AGBL1: variants seen among roughly 807,000 people sequenced by gnomAD.
AGBL1 encodes the protein AGBL carboxypeptidase 1.
In AGBL1, 130 loss-of-function variants were observed where a neutral mutation model predicts 118.9. The ratio of observed to expected loss-of-function variants is 1.09; its 90% CI spans 0.95 to 1.26. The LOEUF is 1.26. Among genes scored for constraint, AGBL1 ranks in the 50% most tolerant of loss-of-function variants. AGBL1 has a pLI of 0.00. For missense variants in AGBL1, 1,584 were observed against 1,298.1 expected (o/e 1.22, Z -3.38); for synonymous variants, 555 against 478.9 (o/e 1.16, Z -2.08).
chr15:86,737,380 C>T (rs1267190775), intron 22 of AGBL1, among the ~76,000 whole-genome samples: 1 of 152,142 alleles, frequency 6.6e-6, no homozygotes, highest in Non-Finnish European at 1.5e-5. Context: ...TGATTTATTC[C>T]AGGTGTCTTA....
chr15:86,104,363 C>T (rs568550447), intron 1 of AGBL1, among the ~76,000 whole-genome samples: 1 of 152,226 alleles, frequency 6.6e-6, no homozygotes, highest in African/African-American at 2.4e-5. Flanking sequence ...GTGGCAGCAG[C>T]CATAGACAGG....
At chr15:86,200,810 T>C (rs1008126991) in intron 5 of AGBL1, among the ~76,000 whole-genome samples, 72 of 152,086 alleles carry the variant, frequency 4.7e-4, no homozygotes, top group African/African-American at 1.7e-3. Flanking sequence ...GAGATGAGGT[T>C]TCACCAGGTT....
At chr15:86,220,618 A>G (rs747071733) in intron 5 of AGBL1, among the ~76,000 whole-genome samples, 1 of 152,220 alleles carries the variant, frequency 6.6e-6, no homozygotes, top group Admixed American at 6.5e-5. Flanking sequence ...GTGGACGTGA[A>G]CTGTGACCTC....
chr15:87,016,911 G>A (rs1477669981), intron 24 of AGBL1, among the ~76,000 whole-genome samples: 1 of 152,140 alleles, frequency 6.6e-6, no homozygotes, highest in African/African-American at 2.4e-5. Flanking sequence ...TCCCTGCAGA[G>A]CAGCCACTGG....
In AGBL1 at chr15:86,153,609, G is replaced by A. The variant is rs371366370; in HGVS notation, c.263-821G>A. On this transcript the variant is annotated intron_variant, in intron 3 of 22. Transcript: ENST00000614907. The stretch of plus-strand genomic sequence containing the variant: ...ACCAACACAGCACATGTATACATAT[G>A]TAACAAACCTGCACGTTGTGCACAT... Among the ~76,000 whole-genome samples, 13 of 152,270 alleles carry A rather than the reference G, an allele frequency of 8.5e-5. No homozygotes were observed. In the East Asian group the frequency reaches 1.2e-3, roughly 14 times the overall value.
chr15:86,381,530 G>A (rs1316033875), intron 17 of AGBL1, among the ~76,000 whole-genome samples: 1 of 152,014 alleles, frequency 6.6e-6, no homozygotes. Context: ...GCTTGTTCTG[G>A]CTCAAGACAG....
chr15:86,299,176 C>A (rs2079706151), intron 17 of AGBL1, among the ~76,000 whole-genome samples: 1 of 152,096 alleles, frequency 6.6e-6, no homozygotes, highest in African/African-American at 2.4e-5. Context: ...CTACTTTACA[C>A]CTTGATATTT....
intron 22 of AGBL1, among the ~76,000 whole-genome samples, chr15:86,890,054 A>C (rs117649019): frequency 0.024 from 3,700 of 152,262 alleles, 57 homozygotes; most frequent in Non-Finnish European, 0.036. Context: ...TCTTGCCAGC[A>C]TCTGTTGTTA....
intron 5 of AGBL1, among the ~76,000 whole-genome samples, chr15:86,196,302 T>C (rs1046781724): frequency 6.6e-6 from 1 of 152,156 alleles, no homozygotes; most frequent in Non-Finnish European, 1.5e-5. Context: ...CTTAGTTTTT[T>C]CCATCTTCGC....
intron 3 of AGBL1, among the ~76,000 whole-genome samples, chr15:86,150,576 A>T (rs111679239): frequency 2.0e-5 from 3 of 152,294 alleles, no homozygotes; most frequent in East Asian, 3.9e-4. Flanking sequence ...TAAACCAGGA[A>T]GAAGTTGAAT....
At chr15:86,317,783 A>C (rs1014687005) in intron 17 of AGBL1, among the ~76,000 whole-genome samples, 1 of 152,252 alleles carries the variant, frequency 6.6e-6, no homozygotes, top group African/African-American at 2.4e-5. Flanking sequence ...ATAGACAATA[A>C]ATAAACAAAT....
chr15:86,529,120 C>G (rs2083310618), intron 19 of AGBL1, among the ~76,000 whole-genome samples: 2 of 26,990 alleles, frequency 7.4e-5, no homozygotes. Flanking sequence ...ATGACTTTGA[C>G]GAGCTGAGAG....
chr15:86,926,327 C>G (rs2080539323), intron 23 of AGBL1, among the ~76,000 whole-genome samples: 1 of 152,192 alleles, frequency 6.6e-6, no homozygotes, highest in African/African-American at 2.4e-5. Context: ...AAAATGAATG[C>G]CATTCGTTCT....
chr15:86,562,742 G>T (rs1331156863), intron 21 of AGBL1, among the ~76,000 whole-genome samples: 1 of 152,146 alleles, frequency 6.6e-6, no homozygotes, highest in East Asian at 1.9e-4. Flanking sequence ...TTGTACCTCT[G>T]GTAGAATTTG....
chr15:86,092,988 C>A (rs1176443651), intron 1 of AGBL1, among the ~76,000 whole-genome samples: 1 of 152,124 alleles, frequency 6.6e-6, no homozygotes, highest in Non-Finnish European at 1.5e-5. Flanking sequence ...GAAACACATT[C>A]AAATAATAGC....
chr15:86,232,722 T>C (rs2078476224), intron 6 of AGBL1, among the ~76,000 whole-genome samples: 1 of 152,104 alleles, frequency 6.6e-6, no homozygotes, highest in African/African-American at 2.4e-5. Flanking sequence ...TGTAGTTACG[T>C]CTCCCCATTT....
At chr15:86,291,573 A>G (rs1396942464) in intron 16 of AGBL1, among the ~76,000 whole-genome samples, 3 of 152,244 alleles carry the variant, frequency 2.0e-5, no homozygotes, top group Non-Finnish European at 4.4e-5. Flanking sequence ...AACAGCACAC[A>G]TAGAAAGGGC....
rs967470168 is a variant in AGBL1 at position 86,630,530 on chromosome 15, G to A, written c.2995-43743G>A. On this transcript the variant is annotated intron_variant, in intron 21 of 22. Transcript: ENST00000614907. ...TAATCTTATGCAAAGAATCACCTGG[G>A]CATTGTGTTAAAAAGCAGATTGTGG... is the stretch of plus-strand genomic sequence containing the variant. 1.1e-4 allele frequency: 16 copies of A among 152,342 alleles called. 1 individual carries two copies. The highest frequency in any genetic ancestry group is 3.8e-4 in the African/African-American group (16 of 41,574). The allele number at this position is 152,342 out of a possible 1,614,324, so 9.4% of individuals were successfully genotyped here.
chr15:86,297,656 C>T (rs547713192), intron 17 of AGBL1, among the ~76,000 whole-genome samples: 1 of 152,292 alleles, frequency 6.6e-6, no homozygotes, highest in South Asian at 2.1e-4. Flanking sequence ...ATTTTTCCCA[C>T]TCCCTGAAAA....
Sources: gnomAD v4.1 joint callset for allele counts (sites outside exome capture counted in the v4.1 genomes callset) on GRCh38, gnomAD v4.1.1 for gene constraint, MANE v1.5 for transcripts, NCBI Gene and HGNC (gene_info 2026-07-23, HGNC 2026-07-21) for gene names.